The following GPALPP1 variants were observed in gnomAD, a reference collection of about 807,000 sequenced individuals.
GPALPP1 encodes the protein GPALPP motifs containing 1.
A neutral mutation model predicts 38.9 loss-of-function variants in GPALPP1; 30 were observed. The ratio of observed to expected loss-of-function variants is 0.77; its 90% CI spans 0.58 to 1.05. GPALPP1 has a LOEUF of 1.05. GPALPP1 is among the 50% of genes least tolerant of loss of function. GPALPP1 has a pLI of 0.00. For missense variants in GPALPP1, 384 were observed against 408.8 expected (o/e 0.94, Z 0.52); for synonymous variants, 120 against 139.2 (o/e 0.86, Z 0.97).
rs561469623 is a variant in GPALPP1, at chr13:45,024,363, G to A, written c.805-3422G>A. Among the ~76,000 whole-genome samples, 15 of 151,552 alleles carry A rather than the reference G, an allele frequency of 9.9e-5. No individual in the cohort carries two copies. In the South Asian group the frequency reaches 1.9e-3, roughly 19 times the overall value. ...TGCCCAGGCTGGAGTGCAGTGGCGC[G>A]ATCTCGGCTTACTGCAGTCTCCACC... On this transcript the variant is annotated intron_variant, in intron 7 of 7. Transcript: ENST00000379151.
intron 6 of GPALPP1, among the ~76,000 whole-genome samples, chr13:45,019,018 C>CATATAAATATATAT (rs765310502): frequency 8.9e-5 from 1 of 11,296 alleles, no homozygotes; most frequent in African/African-American, 3.2e-4. Flanking sequence ...AATATATATA[C>CATATAAATATATAT]ACATATAAAT....
intron 1 of GPALPP1, among the ~76,000 whole-genome samples, chr13:44,991,036 GC>G (rs1872759192): frequency 6.6e-6 from 1 of 152,242 alleles, no homozygotes; most frequent in South Asian, 2.1e-4. Context: ...GTTGCAGTGA[GC>G]CGAGAGTGCC....
intron 1 of GPALPP1, among the ~76,000 whole-genome samples, chr13:44,993,518 C>G (rs888010426): frequency 4.6e-5 from 7 of 151,990 alleles, no homozygotes; most frequent in African/African-American, 1.7e-4. Context: ...ACCCAGAGAT[C>G]TTGTTAAGAT....
intron 1 of GPALPP1, among the ~76,000 whole-genome samples, chr13:44,994,897 A>G (rs1164697803): frequency 6.6e-6 from 1 of 151,518 alleles, no homozygotes; most frequent in Non-Finnish European, 1.5e-5. Context: ...CTTGTTGCCC[A>G]GGCTGGAGTG....
chr13:44,995,162 A>G (rs923095785), intron 1 of GPALPP1, among the ~76,000 whole-genome samples: 2 of 144,082 alleles, frequency 1.4e-5, no homozygotes, highest in Non-Finnish European at 3.0e-5. Context: ...ACAAGCCCCT[A>G]TCTTTAAACA....
chr13:45,020,781 T>C (rs908082399), intron 7 of GPALPP1, among the ~76,000 whole-genome samples: 1 of 152,108 alleles, frequency 6.6e-6, no homozygotes, highest in African/African-American at 2.4e-5. Context: ...TTTTTATACA[T>C]CTATCCTGAA....
In GPALPP1 at chr13:45,015,454, GA is replaced by G; in HGVS notation, c.564del (p.Glu189SerfsTer4). 1 of 1,594,808 alleles carries G rather than the reference GA, an allele frequency of 6.3e-7. No individual in the cohort carries two copies. The highest frequency in any genetic ancestry group is 8.5e-7 in the Non-Finnish European group (1 of 1,172,376). On this transcript the variant is annotated frameshift_variant, in exon 6 of 8. Transcript: ENST00000379151. LOFTEE classifies it high-confidence loss of function. ...AAGGATTCATCTAAACCCATTGTAA[GA>G]GAGTCATGGATGACTGAACTTCCTC... ...GDDDSSKPIV[R>X]ESWMTELPPE...
chr13:44,993,697 A>C (rs892267813), intron 1 of GPALPP1, among the ~76,000 whole-genome samples: 5 of 151,460 alleles, frequency 3.3e-5, no homozygotes, highest in African/African-American at 1.2e-4. Flanking sequence ...AAAAAAAAAA[A>C]TTTGAGGAAC....
At chr13:45,004,711 G>A (rs1021416378) in intron 2 of GPALPP1, among the ~76,000 whole-genome samples, 2 of 152,052 alleles carry the variant, frequency 1.3e-5, no homozygotes, top group Non-Finnish European at 2.9e-5. Flanking sequence ...GATGTGGCAC[G>A]ATCTTGGCTC....
chr13:45,006,307 A>T lies in GPALPP1; in HGVS notation c.323+4A>T. The T allele has an allele frequency of 7.0e-7, 1 of 1,433,860 alleles. No individual in the cohort carries two copies. The highest frequency in any genetic ancestry group is 9.8e-7 in the Non-Finnish European group (1 of 1,022,750). The allele number at this position is 1,433,860 out of a possible 1,614,324, so 88.8% of individuals were successfully genotyped here. ...AGCAGGATGATTCTCCTCCAAGGTG[A>T]TAATGTGTAATATTTTAGGCCAGTC... On this transcript the variant is annotated splice_donor_region_variant and intron_variant, in intron 3 of 7. Transcript: ENST00000379151.
intron 4 of GPALPP1, among the ~76,000 whole-genome samples, chr13:45,014,602 T>C (rs1874700891): frequency 6.6e-6 from 1 of 152,162 alleles, no homozygotes; most frequent in Non-Finnish European, 1.5e-5. Context: ...GTGTGTGTAT[T>C]AGAGTAAGCC....
intron 7 of GPALPP1, among the ~76,000 whole-genome samples, chr13:45,024,757 C>G (rs918850077): frequency 6.6e-6 from 1 of 151,744 alleles, no homozygotes; most frequent in Non-Finnish European, 1.5e-5. Context: ...TGAAACCCCC[C>G]TCTATACTAA....
downstream of GPALPP1, chr13:45,034,306 C>A (rs77399556): frequency 6.6e-6 from 1 of 152,066 alleles, no homozygotes; most frequent in East Asian, 1.9e-4. Context: ...ATTTTATATT[C>A]TAGTGGGAGA....
At chr13:44,996,024 GGTACTCA>G (rs963377991) in intron 1 of GPALPP1, among the ~76,000 whole-genome samples, 5 of 152,218 alleles carry the variant, frequency 3.3e-5, no homozygotes, top group Non-Finnish European at 7.4e-5. Context: ...GCACAAAGTG[GGTACTCA>G]GTAGATTCCT....
chr13:45,006,146 C>G, intron 2 of GPALPP1, 56 bp from the exon 3 acceptor site: 1 of 940,930 alleles, frequency 1.1e-6, no homozygotes, highest in Admixed American at 2.4e-5. Context: ...TTAAAATGTG[C>G]TTTTGTGAAA....
intron 2 of GPALPP1, 42 bp from the exon 3 acceptor site, chr13:45,006,160 A>AT (rs745934976): frequency 8.6e-7 from 1 of 1,164,622 alleles, no homozygotes; most frequent in Admixed American, 2.3e-5. Context: ...TGTGAAAAAA[A>AT]TTTTGACATA....
chr13:45,021,641 A>T (rs1178150946), intron 7 of GPALPP1, among the ~76,000 whole-genome samples: 5 of 144,078 alleles, frequency 3.5e-5, no homozygotes, highest in South Asian at 4.4e-4. Flanking sequence ...AAAAAAACAT[A>T]AAAAAAAAAA....
At position 45,004,470 on chromosome 13, in the gene GPALPP1, A is replaced by G. The variant is rs767027727; in HGVS notation, c.221+33A>G. The G allele has an allele frequency of 3.2e-6, 5 of 1,539,380 alleles. No homozygotes were observed. The East Asian group carries it at 1.1e-4, about 35-fold the overall frequency. The stretch of plus-strand genomic sequence containing the variant: ...ATTTAATTAAATTAAATGATAGACC[A>G]AACTTCAGAGCTAGTATAAGTTGGC... On this transcript the variant is annotated intron_variant, in intron 2 of 7. Coordinates refer to ENST00000379151, the MANE Select transcript of GPALPP1 (RefSeq NM_018559.5).
In GPALPP1 at chr13:45,027,906, T is replaced by C; in HGVS notation, c.926T>C (p.Val309Ala). The change falls in exon 8 of 8, where the codon GTT becomes GCT. Residue 309 changes from valine (V) to alanine (A), a missense_variant. By Grantham distance (64) the Val-to-Ala change is moderately conservative. Coordinates refer to ENST00000379151, the MANE Select transcript of GPALPP1 (RefSeq NM_018559.5). ...IPFDRDKDLK[V>A]NRFDEAQKKA... Reference sequence around the variant, plus strand: ...TTTGACCGTGATAAAGATCTCAAGGTTAATCGGTTTGATGAAGCTCAGAAA... The same window carrying C: ...TTTGACCGTGATAAAGATCTCAAGGCTAATCGGTTTGATGAAGCTCAGAAA... 6.2e-7 allele frequency: 1 copy of C among 1,610,310 alleles called. No individual in the cohort carries two copies. Among genetic ancestry groups the C allele is most frequent in the South Asian group, 1.1e-5 (1 of 91,002 alleles).
Sources: allele counts gnomAD v4.1 joint callset (sites outside exome capture counted in the v4.1 genomes callset), GRCh38; gene constraint gnomAD v4.1.1; transcripts MANE v1.5; gene names NCBI Gene and HGNC (gene_info 2026-07-23, HGNC 2026-07-21).